Variants in FHOD1 observed in about 807,000 individuals in gnomAD.
The protein encoded by FHOD1 is formin homology 2 domain containing 1.
A neutral mutation model predicts 111.6 loss-of-function variants in FHOD1; 89 were observed. The observed-to-expected ratio is 0.80, with a 90% CI of 0.67 to 0.95. The LOEUF (loss-of-function observed/expected upper bound fraction) is 0.95, where lower values mean the gene tolerates loss of function less well. FHOD1 is among the 40% of genes least tolerant of loss of function. The pLI, the probability that FHOD1 is intolerant of heterozygous loss-of-function variation, is 0.00. For synonymous variants in FHOD1, 618 were observed against 639.0 expected, an observed-to-expected ratio of 0.97 and a Z score of 0.50; for missense variants, 1,446 against 1,554.2, an observed-to-expected ratio of 0.93 and a Z score of 1.17.
In FHOD1 at chr16:67,234,454, A is replaced by C. The variant is rs371069606; in HGVS notation, c.1338T>G (p.Asn446Lys). 1 of 1,599,418 alleles carries C rather than the reference A, an allele frequency of 6.3e-7. No homozygotes were observed. The highest frequency in any genetic ancestry group is 8.5e-7 in the Non-Finnish European group (1 of 1,174,988). Reference sequence around the variant, plus strand: ...GCTTCTCTGTTTCTGCTGCCGCCACATTCTCCAGGAACCGGGCTCTGAGGG... The same window carrying C: ...GCTTCTCTGTTTCTGCTGCCGCCACCTTCTCCAGGAACCGGGCTCTGAGGG... ...RSIYKARFLENVAAAETEKQV... is the reference protein window; with the variant it reads ...RSIYKARFLEKVAAAETEKQV... The change falls in exon 12 of 22, where the codon AAT becomes AAG. Residue 446 changes from asparagine to lysine, a missense_variant. Physicochemically the swap from Asn to Lys is moderately conservative, Grantham distance 94 (BLOSUM62 0). Transcript: ENST00000258201.
In FHOD1 at chr16:67,236,685, G is replaced by A. The variant is rs1307931402; in HGVS notation, c.1191C>T (p.Pro397=). The A allele has an allele frequency of 1.3e-6, 2 of 1,594,290 alleles. No homozygotes were observed. The highest frequency in any genetic ancestry group is 1.3e-5 in the African/African-American group (1 of 74,748). Reference sequence around the variant, plus strand: ...TGGAGGCGGGGCCTGTCAGCAGGGCGGGGCCGGTGGAAGAGGTGGGGCCTA... The same window carrying A: ...TGGAGGCGGGGCCTGTCAGCAGGGCAGGGCCGGTGGAAGAGGTGGGGCCTA... The part of the protein sequence containing the change: ...SPVGPTSSTG[P]ALLTGPASSP... The change falls in exon 11 of 22, where the codon CCC becomes CCT. Residue 397 remains proline (P), a synonymous_variant. Coordinates refer to ENST00000258201, the MANE Select transcript of FHOD1 (RefSeq NM_013241.3).
Position 67,237,228 on chromosome 16 carries a change from G to A in FHOD1, c.993+11C>T. On this transcript the variant is annotated intron_variant, in intron 9 of 21. Transcript: ENST00000258201. This position sits in a 1 kb window ranked among gnomAD's most constrained non-coding sequence, Gnocchi z 5.6. The stretch of plus-strand genomic sequence containing the variant: ...TTTCCAATCCGCCTCAGAGCGTAAG[G>A]CCCGGCCCACCTCGTAGAGCACAAG... 1 of 1,612,294 alleles carries A rather than the reference G, an allele frequency of 6.2e-7. No individual in the cohort carries two copies. Among genetic ancestry groups the A allele is most frequent in the South Asian group, 1.1e-5 (1 of 90,990 alleles).
intron 11 of FHOD1, chr16:67,235,984 G>A (rs148619521): frequency 5.2e-4 from 503 of 969,342 alleles, no homozygotes; most frequent in Middle Eastern, 1.1e-3. Flanking sequence ...CTGAGCACAT[G>A]GCAGGCCTGG....
rs1029987933 is a variant in FHOD1 at position 67,231,137 on chromosome 16, C to T, written c.2667+51G>A. 1.0e-5 allele frequency: 16 copies of T among 1,600,010 alleles called. No homozygotes were observed. The highest frequency in any genetic ancestry group is 1.4e-5 in the Non-Finnish European group (16 of 1,171,544). ...AGGGGGAGGAGCCAGGCCCAGGAAG[C>T]AGCGCTCCTCATGCCTTGTCCGGCC... On this transcript the variant is annotated intron_variant, in intron 17 of 21. Coordinates refer to ENST00000258201, the MANE Select transcript of FHOD1 (RefSeq NM_013241.3). The surrounding 1 kb of genome is among the most constrained non-coding windows in gnomAD (Gnocchi z 4.3).
chr16:67,235,290 G>GAGGC (rs1183817562), intron 11 of FHOD1, among the ~76,000 whole-genome samples: 6 of 152,192 alleles, frequency 3.9e-5, no homozygotes, highest in Non-Finnish European at 8.8e-5. Context: ...AGCACTTTGG[G>GAGGC]AGGCAGAGGT....
Position 67,237,837 on chromosome 16 carries a change from G to T in FHOD1, c.643-69C>A. Reference sequence around the variant, plus strand: ...CCTGTGCCAGCTGTTGCTGGGGAAGGGGAAGGGCTGCTGGGGCTGGACCCA... The same window carrying T: ...CCTGTGCCAGCTGTTGCTGGGGAAGTGGAAGGGCTGCTGGGGCTGGACCCA... On this transcript the variant is annotated intron_variant, in intron 6 of 21. Transcript: ENST00000258201. This position sits in a 1 kb window ranked among gnomAD's most constrained non-coding sequence, Gnocchi z 5.6. 1 of 1,475,636 alleles carries T rather than the reference G, an allele frequency of 6.8e-7. No homozygotes were observed. Among genetic ancestry groups the T allele is most frequent in the Non-Finnish European group, 9.5e-7 (1 of 1,056,060 alleles). The allele number at this position is 1,475,636 out of a possible 1,614,324, so 91.4% of individuals were successfully genotyped here. A position where few individuals can be genotyped will look rare whatever the true frequency, so the allele number is the denominator to read the frequency against.
rs201882646 is a variant in FHOD1, at chr16:67,236,630, C to A, written c.1246G>T (p.Ala416Ser). The A allele has an allele frequency of 2.4e-4, 388 of 1,613,434 alleles. No homozygotes were observed. Among genetic ancestry groups the A allele is most frequent in the South Asian group, 8.3e-4 (75 of 90,804 alleles). ...SPVGPPSGLQ[A>S]SVNLFPTISV... ...ATGGTAGGAAAAAGGTTCACTGAAG[C>A]TTGGAGACCGGAGGGAGGGCCCACA... The change falls in exon 11 of 22, where the codon GCT becomes TCT. Residue 416 changes from alanine to serine, a missense_variant. Around this residue, in one of 3 missense-constraint regions of FHOD1, gnomAD observed 1,085 missense variants for 1,108.8 expected, o/e 0.98. Coordinates refer to ENST00000258201, the MANE Select transcript of FHOD1 (RefSeq NM_013241.3).
chr16:67,239,838 T>C (rs1308493877), intron 1 of FHOD1, among the ~76,000 whole-genome samples: 1 of 152,212 alleles, frequency 6.6e-6, no homozygotes, highest in Non-Finnish European at 1.5e-5. Context: ...TCTTGCTCCC[T>C]GCTGTATCTA....
chr16:67,247,405 C>T lies in FHOD1; in HGVS notation c.6G>A (p.Ala2=), dbSNP rs1275470323. 6.2e-6 allele frequency: 10 copies of T among 1,612,456 alleles called. No individual in the cohort carries two copies. The highest frequency in any genetic ancestry group is 1.6e-4 in the Middle Eastern group (1 of 6,082). The change falls in exon 1 of 22, where the codon GCG becomes GCA. Residue 2 remains alanine (A), a synonymous_variant. Transcript: ENST00000258201. ...CTCCGTCCCCGCGGTCTTCCCCGCCCGCCATGGCTCTGCGGCCGGCTCACG... is the reference window on the plus strand; with the variant it reads ...CTCCGTCCCCGCGGTCTTCCCCGCCTGCCATGGCTCTGCGGCCGGCTCACG... The part of the protein sequence containing the change: M[A]GGEDRGDGEP...
At chr16:67,233,226 A>G (rs1189395709) in intron 13 of FHOD1, among the ~76,000 whole-genome samples, 2 of 151,712 alleles carry the variant, frequency 1.3e-5, no homozygotes, top group Non-Finnish European at 2.9e-5. Flanking sequence ...AGCTGGGATT[A>G]CAGGTGCCCG....
At position 67,238,999 on chromosome 16, in the gene FHOD1, A is replaced by G; in HGVS notation, c.309-32T>C. 6.2e-7 allele frequency: 1 copy of G among 1,609,494 alleles called. No individual in the cohort carries two copies. The highest frequency in any genetic ancestry group is 8.5e-7 in the Non-Finnish European group (1 of 1,175,956). ...TCAAGGATCTCTGTTAGCAGCTCCC[A>G]GCCTATCCCTCAGCATTCCTCCCCA... is the stretch of plus-strand genomic sequence containing the variant. On this transcript the variant is annotated intron_variant, in intron 2 of 21. Transcript: ENST00000258201. This position sits in a 1 kb window ranked among gnomAD's most constrained non-coding sequence, Gnocchi z 4.2.
At chr16:67,244,278 G>A (rs898004202) in intron 1 of FHOD1, among the ~76,000 whole-genome samples, 1 of 152,118 alleles carries the variant, frequency 6.6e-6, no homozygotes, top group African/African-American at 2.4e-5. Flanking sequence ...AGGCTCCTGA[G>A]ACACTTCCCA....
At chr16:67,242,820 G>C (rs1283940985) in intron 1 of FHOD1, among the ~76,000 whole-genome samples, 1 of 152,094 alleles carries the variant, frequency 6.6e-6, no homozygotes, top group East Asian at 1.9e-4. Context: ...GTTATGTATG[G>C]TTTTATATGC....
intron 10 of FHOD1, 21 bp downstream of exon 10, chr16:67,236,945 T>C (rs763777468): frequency 1.4e-6 from 2 of 1,457,024 alleles, no homozygotes. Flanking sequence ...CCCTTTCCCA[T>C]CTACAGATGC....
rs779016067 is a variant in FHOD1 at position 67,231,636 on chromosome 16, C to T, written c.2385+1G>A. 2.0e-5 allele frequency: 33 copies of T among 1,613,996 alleles called. No homozygotes were observed. The highest frequency in any genetic ancestry group is 5.0e-5 in the Admixed American group (3 of 59,984). ...ACTGTCCCACTCCAAGACCCAGGTA[C>T]CCGCTCCATGCTGTCATAGTCCAGC... On this transcript the variant is annotated splice_donor_variant, in intron 15 of 21. Coordinates refer to ENST00000258201, the MANE Select transcript of FHOD1 (RefSeq NM_013241.3). LOFTEE classifies it high-confidence loss of function. This position sits in a 1 kb window ranked among gnomAD's most constrained non-coding sequence, Gnocchi z 4.3.
In FHOD1 at chr16:67,238,497, T is replaced by C. The variant is rs1359310611; in HGVS notation, c.374-50A>G. ...CTTGATGGACACAGACTCACTGTCT[T>C]CCTCTGCTTGGATACAACCACAACT... On this transcript the variant is annotated intron_variant, in intron 3 of 21. Coordinates refer to ENST00000258201, the MANE Select transcript of FHOD1 (RefSeq NM_013241.3). The surrounding 1 kb of genome is among the most constrained non-coding windows in gnomAD (Gnocchi z 4.2). 4 of 1,529,696 alleles carry C rather than the reference T, an allele frequency of 2.6e-6. No homozygotes were observed. The highest frequency in any genetic ancestry group is 1.4e-5 in the African/African-American group (1 of 73,360). The allele number at this position is 1,529,696 out of a possible 1,614,324, so 94.8% of individuals were successfully genotyped here.
In FHOD1 at chr16:67,238,140, G is replaced by A. The variant is rs1386385982; in HGVS notation, c.548-12C>T. 9.3e-6 allele frequency: 15 copies of A among 1,613,976 alleles called. No individual in the cohort carries two copies. The East Asian group carries it at 3.1e-4, about 34-fold the overall frequency. ...CAGCTGGCCGAGCGCTGGGGAAACA[G>A]GGATGGGCAGAGTCAGCGAGGGTCG... On this transcript the variant is annotated splice_polypyrimidine_tract_variant and intron_variant, in intron 5 of 21. Transcript: ENST00000258201. The surrounding 1 kb of genome is among the most constrained non-coding windows in gnomAD (Gnocchi z 4.2).
rs770275000 is a variant in FHOD1 at position 67,237,339 on chromosome 16, G to A, written c.893C>T (p.Thr298Met). 1.1e-5 allele frequency: 18 copies of A among 1,614,100 alleles called. No individual in the cohort carries two copies. Among genetic ancestry groups the A allele is most frequent in the Non-Finnish European group, 1.4e-5 (16 of 1,180,024 alleles). ...CATGCCCTGCTGCTCCAGTGCATCC[G>A]TCACATCGTAGAAGGAGTCCTGGTC... ...LPDQDSFYDV[T>M]DALEQQGMEA... Residue 298 changes from threonine (T) to methionine (M), a missense_variant, in exon 9 of 22, where the codon ACG becomes ATG. Physicochemically the swap from Thr to Met is moderately conservative, Grantham distance 81 (BLOSUM62 -1). Around this residue, in one of 3 missense-constraint regions of FHOD1, gnomAD observed 234 missense variants for 327.4 expected, o/e 0.71. Coordinates refer to ENST00000258201, the MANE Select transcript of FHOD1 (RefSeq NM_013241.3). The surrounding 1 kb of genome is among the most constrained non-coding windows in gnomAD (Gnocchi z 5.6).
rs988348329 is a variant in FHOD1 at position 67,231,273 on chromosome 16, T to C, written c.2582A>G (p.His861Arg). The C allele has an allele frequency of 1.2e-6, 2 of 1,613,978 alleles. No individual in the cohort carries two copies. The highest frequency in any genetic ancestry group is 1.7e-6 in the Non-Finnish European group (2 of 1,180,000). ...CTGGAGCACTAGGGAGCAGAGATGG[T>C]GTAGCAGTGACTGTCGACGCACCGT... is the stretch of plus-strand genomic sequence containing the variant. ...KDTVRRQSLL[H>R]HLCSLVLQTR... The change falls in exon 17 of 22, where the codon CAC becomes CGC. Residue 861 changes from histidine to arginine, a missense_variant. Transcript: ENST00000258201. The surrounding 1 kb of genome is among the most constrained non-coding windows in gnomAD (Gnocchi z 4.3).
Sources: allele counts gnomAD v4.1 joint callset (sites outside exome capture counted in the v4.1 genomes callset), GRCh38; gene constraint gnomAD v4.1.1; regional missense constraint gnomAD v4.1.1; non-coding constraint Gnocchi (gnomAD v3.1); transcripts MANE v1.5; gene names NCBI Gene and HGNC (gene_info 2026-07-23, HGNC 2026-07-21).